Variants in RORA observed in about 807,000 individuals in gnomAD.
RORA encodes nuclear receptor ROR-alpha.
In RORA, 7 loss-of-function variants were observed where a neutral mutation model predicts 69.5. That is an observed-to-expected ratio of 0.10 (90% CI 0.06 to 0.19). The LOEUF (loss-of-function observed/expected upper bound fraction) is 0.19. RORA is among the 10% of genes least tolerant of loss of function. RORA has a pLI of 1.00. For missense variants in RORA, 457 were observed against 663.0 expected, an observed-to-expected ratio of 0.69 and a Z score of 3.41; for synonymous variants, 261 against 240.8, an observed-to-expected ratio of 1.08 and a Z score of -0.78.
chr15:60,616,977 A>AT (rs2069261159), intron 2 of RORA, among the ~76,000 whole-genome samples: 1 of 152,224 alleles, frequency 6.6e-6, no homozygotes, highest in Non-Finnish European at 1.5e-5. Flanking sequence ...AGATTCATAT[A>AT]AAAGACAATG....
At chr15:61,013,908 C>T (rs1233102228) in intron 1 of RORA, among the ~76,000 whole-genome samples, 4 of 151,306 alleles carry the variant, frequency 2.6e-5, no homozygotes, top group African/African-American at 4.9e-5. Flanking sequence ...CTCAGCCTCC[C>T]GAGTAGCTGC....
intron 1 of RORA, among the ~76,000 whole-genome samples, chr15:61,143,770 C>T (rs1439440148): frequency 6.6e-6 from 1 of 152,150 alleles, no homozygotes; most frequent in Admixed American, 6.6e-5. Context: ...AAATAAATCT[C>T]AGGTGGCTCA....
At chr15:61,113,987 C>G (rs191870178) in intron 1 of RORA, among the ~76,000 whole-genome samples, 175 of 152,322 alleles carry the variant, frequency 1.1e-3, no homozygotes, top group African/African-American at 4.0e-3. Context: ...TTACTCACTA[C>G]AGCCTATAAC....
chr15:61,153,786 C>CCT (rs2079418879), intron 1 of RORA, among the ~76,000 whole-genome samples: 3 of 96,176 alleles, frequency 3.1e-5, no homozygotes, highest in African/African-American at 1.1e-4. Context: ...GCTAAGAACC[C>CCT]TTCAATTGCT....
At chr15:60,941,944 T>G (rs1405561893) in intron 1 of RORA, among the ~76,000 whole-genome samples, 1 of 152,238 alleles carries the variant, frequency 6.6e-6, no homozygotes, top group Admixed American at 6.5e-5. Flanking sequence ...ATTGTTGATC[T>G]TTGCATTACC....
At chr15:60,542,344 CAT>C (rs955516479) in intron 2 of RORA, among the ~76,000 whole-genome samples, 5 of 151,722 alleles carry the variant, frequency 3.3e-5, no homozygotes, top group African/African-American at 1.2e-4. Flanking sequence ...CATACACACA[CAT>C]ACCACACATG....
intron 2 of RORA, among the ~76,000 whole-genome samples, chr15:60,649,803 C>A (rs2070112901): frequency 6.6e-6 from 1 of 152,094 alleles, no homozygotes; most frequent in Non-Finnish European, 1.5e-5. Flanking sequence ...TACCAATAGA[C>A]CCCTCAAAAA....
chr15:61,215,119 G>C (rs191273058), intron 1 of RORA, among the ~76,000 whole-genome samples: 2 of 145,712 alleles, frequency 1.4e-5, no homozygotes, highest in Admixed American at 7.1e-5. Context: ...TCATGACCTC[G>C]TGATCCGCCC....
intron 2 of RORA, among the ~76,000 whole-genome samples, chr15:60,659,951 A>G (rs1049377536): frequency 3.3e-5 from 5 of 152,154 alleles, no homozygotes; most frequent in African/African-American, 1.2e-4. Flanking sequence ...TCTTCATCTC[A>G]ACTAATAAGG....
At chr15:60,518,748 A>G (rs1169636728) in intron 3 of RORA, among the ~76,000 whole-genome samples, 1 of 152,182 alleles carries the variant, frequency 6.6e-6, no homozygotes, top group Non-Finnish European at 1.5e-5. Context: ...TCCTGTGGAA[A>G]ACACCATGGA....
At chr15:61,194,907 C>T (rs2079833282) in intron 1 of RORA, among the ~76,000 whole-genome samples, 1 of 151,734 alleles carries the variant, frequency 6.6e-6, no homozygotes, top group African/African-American at 2.4e-5. Flanking sequence ...CAGTACCATT[C>T]TCATTGAAGT....
At chr15:60,671,853 C>A (rs1217706341) in intron 2 of RORA, among the ~76,000 whole-genome samples, 2 of 151,966 alleles carry the variant, frequency 1.3e-5, no homozygotes, top group African/African-American at 2.4e-5. Context: ...CTCAGGTGAT[C>A]TGCCTGCCTC....
At chr15:61,047,152 C>T (rs1897071079) in intron 1 of RORA, among the ~76,000 whole-genome samples, 1 of 152,194 alleles carries the variant, frequency 6.6e-6, no homozygotes, top group Non-Finnish European at 1.5e-5. Flanking sequence ...CCTTCAAAAC[C>T]ACAGAGGGCC....
At chr15:61,069,384 T>C (rs1030571423) in intron 1 of RORA, among the ~76,000 whole-genome samples, 1 of 151,844 alleles carries the variant, frequency 6.6e-6, no homozygotes, top group East Asian at 1.9e-4. Flanking sequence ...AGCTATGCCA[T>C]CCCAAAGGAG....
chr15:60,520,539 C>T (rs1363413068), intron 3 of RORA, among the ~76,000 whole-genome samples: 1 of 152,084 alleles, frequency 6.6e-6, no homozygotes, highest in Non-Finnish European at 1.5e-5. Context: ...TAGGTACCTT[C>T]CTACCTCAAG....
chr15:60,641,069 T>G (rs988350839), intron 2 of RORA, among the ~76,000 whole-genome samples: 1 of 152,138 alleles, frequency 6.6e-6, no homozygotes, highest in Non-Finnish European at 1.5e-5. Context: ...CCTCCCACCT[T>G]AACCTCCTGA....
chr15:60,637,409 C>A (rs1181671734), intron 2 of RORA, among the ~76,000 whole-genome samples: 1 of 151,994 alleles, frequency 6.6e-6, no homozygotes, highest in East Asian at 1.9e-4. Flanking sequence ...TGTTTATGAT[C>A]TTTTTTGACA....
intron 1 of RORA, among the ~76,000 whole-genome samples, chr15:60,685,844 T>G (rs2070738595): frequency 6.6e-6 from 1 of 152,176 alleles, no homozygotes; most frequent in African/African-American, 2.4e-5. Flanking sequence ...ATAAAAAGCC[T>G]TTAAAAATCA....
intron 1 of RORA, among the ~76,000 whole-genome samples, chr15:60,990,259 A>T (rs1894332622): frequency 6.6e-6 from 1 of 152,194 alleles, no homozygotes; most frequent in Non-Finnish European, 1.5e-5. Flanking sequence ...TTAATAGTAT[A>T]AAAGTGTTAG....
Sources: gnomAD v4.1 joint callset for allele counts (sites outside exome capture counted in the v4.1 genomes callset) on GRCh38, gnomAD v4.1.1 for gene constraint, MANE v1.5 for transcripts, NCBI Gene and HGNC (gene_info 2026-07-23, HGNC 2026-07-21) for gene names.